Variants in AFF3 observed in about 807,000 individuals in gnomAD.
The protein encoded by AFF3 is AF4/FMR2 family member 3.
In AFF3, 32 loss-of-function variants were observed where a neutral mutation model predicts 129.7. That is an observed-to-expected ratio of 0.25 (90% confidence interval 0.19 to 0.33). The LOEUF (loss-of-function observed/expected upper bound fraction) is 0.33. Among genes scored for constraint, AFF3 ranks in the 10% least tolerant of loss-of-function variants. The probability of loss-of-function intolerance (pLI) is 1.00; values close to 1 mark genes in which losing one functional copy is unlikely to be tolerated. For synonymous variants in AFF3, 644 were observed against 635.4 expected, an observed-to-expected ratio of 1.01 and a Z score of -0.20; for missense variants, 1,373 against 1,592.0, an observed-to-expected ratio of 0.86 and a Z score of 2.34.
intron 4 of AFF3, among the ~76,000 whole-genome samples, chr2:100,062,338 T>C (rs1283005875): frequency 6.6e-6 from 1 of 152,216 alleles, no homozygotes; most frequent in Non-Finnish European, 1.5e-5. Flanking sequence ...ACTAATACTC[T>C]TGTTGTTTTA....
intron 7 of AFF3, among the ~76,000 whole-genome samples, chr2:100,004,630 C>T (rs959437033): frequency 1.3e-5 from 2 of 152,048 alleles, no homozygotes; most frequent in Admixed American, 1.3e-4. Flanking sequence ...TTGAACAATG[C>T]ACCTGCGAAA....
At chr2:99,634,214 T>C (rs1401082776) in intron 13 of AFF3, among the ~76,000 whole-genome samples, 1 of 152,224 alleles carries the variant, frequency 6.6e-6, no homozygotes, top group Non-Finnish European at 1.5e-5. Flanking sequence ...GGCCACATCT[T>C]TTCTTTCTAA....
chr2:100,062,949 T>C (rs1047400235), intron 4 of AFF3, among the ~76,000 whole-genome samples: 2 of 152,096 alleles, frequency 1.3e-5, no homozygotes, highest in African/African-American at 4.8e-5. Context: ...AACAAGTGAC[T>C]ATCAAAAATG....
intron 11 of AFF3, among the ~76,000 whole-genome samples, chr2:99,686,383 C>T (rs1675061094): frequency 6.6e-6 from 1 of 152,120 alleles, no homozygotes; most frequent in African/African-American, 2.4e-5. Flanking sequence ...GTGCACACTC[C>T]CTCTCCAGGA....
chr2:99,755,586 C>G (rs1367880944), intron 8 of AFF3, among the ~76,000 whole-genome samples: 2 of 152,076 alleles, frequency 1.3e-5, no homozygotes, highest in African/African-American at 4.8e-5. Flanking sequence ...TTTTTAAAGG[C>G]AACTGGGCAA....
Position 99,623,567 on chromosome 2 carries a change from C to T in AFF3, c.1185-21946G>A, listed in dbSNP as rs368531202. Among the ~76,000 whole-genome samples the T allele has an allele frequency of 4.9e-4, 75 of 152,316 alleles. 1 individual carries two copies. Among genetic ancestry groups the T allele is most frequent in the African/African-American group, 1.8e-3 (74 of 41,564 alleles). On this transcript the variant is annotated intron_variant, in intron 13 of 24. Coordinates refer to ENST00000672756, the MANE Select transcript of AFF3 (RefSeq NM_001386135.1). ...GAGGTTGAGCCAGGTATCTCTGTGTCTCATGGGCCCAACCGACACGGGAGA... is the reference window on the plus strand; with the variant it reads ...GAGGTTGAGCCAGGTATCTCTGTGTTTCATGGGCCCAACCGACACGGGAGA...
intron 22 of AFF3, among the ~76,000 whole-genome samples, chr2:99,557,965 A>ATT (rs1641046786): frequency 6.6e-6 from 1 of 152,206 alleles, no homozygotes; most frequent in Non-Finnish European, 1.5e-5. Context: ...TTAATTATTA[A>ATT]TGTAAGGTCG....
At chr2:99,890,170 C>G (rs758254515) in intron 7 of AFF3, among the ~76,000 whole-genome samples, 1 of 152,160 alleles carries the variant, frequency 6.6e-6, no homozygotes, top group Admixed American at 6.5e-5. Context: ...TAATGGGACA[C>G]CAGCTCAGCC....
At chr2:99,809,985 T>C (rs1056899891) in intron 8 of AFF3, among the ~76,000 whole-genome samples, 8 of 152,170 alleles carry the variant, frequency 5.3e-5, no homozygotes, top group African/African-American at 1.9e-4. Flanking sequence ...TACAAAATCT[T>C]TGGGAAAAGG....
chr2:100,004,977 G>A (rs540548602), intron 7 of AFF3, among the ~76,000 whole-genome samples: 2 of 152,224 alleles, frequency 1.3e-5, no homozygotes, highest in East Asian at 1.9e-4. Context: ...GTTAGGAAGA[G>A]GGCAGGCTCG....
At chr2:99,835,900 G>T (rs548189526) in intron 8 of AFF3, among the ~76,000 whole-genome samples, 10 of 152,300 alleles carry the variant, frequency 6.6e-5, no homozygotes, top group African/African-American at 2.2e-4. Flanking sequence ...GGGGAGGACT[G>T]GGGCGAGAGG....
intron 11 of AFF3, among the ~76,000 whole-genome samples, chr2:99,706,902 C>T (rs1228740839): frequency 6.6e-6 from 1 of 152,156 alleles, no homozygotes; most frequent in Non-Finnish European, 1.5e-5. Context: ...ATTCCTGCTC[C>T]AGCAGCCCCA....
intron 3 of AFF3, chr2:100,104,782 C>T (rs1691115374): frequency 2.2e-6 from 2 of 895,678 alleles, no homozygotes; most frequent in Non-Finnish European, 2.6e-6. Flanking sequence ...CTCGCGGCGG[C>T]CCGGCCCGCT....
At chr2:99,844,582 C>T (rs1689589810) in intron 7 of AFF3, among the ~76,000 whole-genome samples, 1 of 151,580 alleles carries the variant, frequency 6.6e-6, no homozygotes, top group Non-Finnish European at 1.5e-5. Context: ...GGATTACAGG[C>T]ATGCACCACC....
chr2:100,075,909 C>A (rs1688553289), intron 4 of AFF3, among the ~76,000 whole-genome samples: 1 of 152,114 alleles, frequency 6.6e-6, no homozygotes, highest in South Asian at 2.1e-4. Context: ...CTTGGTGTGA[C>A]CTGGCTACTT....
At chr2:99,675,540 G>C (rs988547014) in intron 11 of AFF3, among the ~76,000 whole-genome samples, 1 of 152,204 alleles carries the variant, frequency 6.6e-6, no homozygotes, top group Admixed American at 6.5e-5. Context: ...AGCAAACGGC[G>C]CTTGTTCTTG....
At chr2:99,886,042 A>G (rs1456154625) in intron 7 of AFF3, among the ~76,000 whole-genome samples, 1 of 152,200 alleles carries the variant, frequency 6.6e-6, no homozygotes, top group African/African-American at 2.4e-5. Context: ...TTAATGATTG[A>G]TTGGTAGAAA....
chr2:100,122,404 A>T (rs557471257), intron 2 of AFF3, among the ~76,000 whole-genome samples: 1 of 152,344 alleles, frequency 6.6e-6, no homozygotes, highest in South Asian at 2.1e-4. Flanking sequence ...CACTTTATTT[A>T]ATTTCTTGCT....
rs1032806144 is a variant in AFF3 at position 100,084,422 on chromosome 2, A to G, written c.53+19980T>C. ...GCTATCCACAGCTAGCTGGTGGCAG[A>G]GCAGGGGATCAGAACTCAGACTATC... On this transcript the variant is annotated intron_variant, in intron 4 of 24. Coordinates refer to ENST00000672756, the MANE Select transcript of AFF3 (RefSeq NM_001386135.1). Among the ~76,000 whole-genome samples, 22 of 152,348 alleles carry G rather than the reference A, an allele frequency of 1.4e-4. No individual in the cohort carries two copies. In the South Asian group the frequency reaches 1.7e-3, roughly 11 times the overall value.
Sources: gnomAD v4.1 joint callset for allele counts (sites outside exome capture counted in the v4.1 genomes callset) on GRCh38, gnomAD v4.1.1 for gene constraint, MANE v1.5 for transcripts, NCBI Gene and HGNC (gene_info 2026-07-23, HGNC 2026-07-21) for gene names.